The following ROBO2 variants were observed in gnomAD, a reference collection of about 807,000 sequenced individuals.
ROBO2 encodes roundabout guidance receptor 2.
A neutral mutation model predicts 160.8 loss-of-function variants in ROBO2; 53 were observed. The ratio of observed to expected loss-of-function variants is 0.33; its 90% CI spans 0.26 to 0.41. ROBO2 has a LOEUF of 0.41. ROBO2 is among the 10% of genes least tolerant of loss of function. ROBO2 has a pLI of 1.00. For missense variants in ROBO2, 1,577 were observed against 1,722.4 expected, an observed-to-expected ratio of 0.92 and a Z score of 1.49; for synonymous variants, 664 against 611.7, an observed-to-expected ratio of 1.09 and a Z score of -1.26.
chr3:76,354,604 C>T (rs968274534), intron 2 of ROBO2, among the ~76,000 whole-genome samples: 2 of 151,750 alleles, frequency 1.3e-5, no homozygotes, highest in Non-Finnish European at 2.9e-5. Context: ...ATATTAAACC[C>T]TAATTTCCAT....
intron 2 of ROBO2, among the ~76,000 whole-genome samples, chr3:76,452,929 T>C (rs2077550398): frequency 6.6e-6 from 1 of 152,228 alleles, no homozygotes; most frequent in Non-Finnish European, 1.5e-5. Context: ...TGGCCAGTGA[T>C]GGTGAGCATT....
intron 2 of ROBO2, among the ~76,000 whole-genome samples, chr3:76,226,060 T>C (rs1423100557): frequency 6.6e-6 from 1 of 152,166 alleles, no homozygotes; most frequent in Non-Finnish European, 1.5e-5. Context: ...AAATAGCTTA[T>C]CCTGAGCATG....
intron 2 of ROBO2, among the ~76,000 whole-genome samples, chr3:76,659,097 C>T (rs954269328): frequency 6.6e-6 from 1 of 151,986 alleles, no homozygotes; most frequent in Non-Finnish European, 1.5e-5. Flanking sequence ...CCCTTAGAAA[C>T]ATTTGAGGGA....
intron 2 of ROBO2, among the ~76,000 whole-genome samples, chr3:76,100,433 G>C (rs1008011099): frequency 6.6e-6 from 1 of 152,098 alleles, no homozygotes. Flanking sequence ...AAATATTCTT[G>C]CAATATTGTA....
intron 2 of ROBO2, among the ~76,000 whole-genome samples, chr3:76,594,999 TG>T (rs760121021): frequency 6.6e-6 from 1 of 151,992 alleles, no homozygotes; most frequent in Non-Finnish European, 1.5e-5. Flanking sequence ...AATTAAGTCA[TG>T]GGGGTGGAGC....
chr3:76,008,595 T>C (rs2066099078), intron 2 of ROBO2, among the ~76,000 whole-genome samples: 1 of 152,212 alleles, frequency 6.6e-6, no homozygotes, highest in Non-Finnish European at 1.5e-5. Context: ...TGCAATAACC[T>C]AAACACAAAA....
intron 2 of ROBO2, among the ~76,000 whole-genome samples, chr3:76,245,722 A>G (rs1380771014): frequency 6.6e-6 from 1 of 152,150 alleles, no homozygotes; most frequent in Admixed American, 6.6e-5. Flanking sequence ...CAATTTATCT[A>G]TAATAAATTT....
chr3:77,629,242 AT>A (rs1365176294), intron 23 of ROBO2: 1 of 152,158 alleles, frequency 6.6e-6, no homozygotes, highest in Non-Finnish European at 1.5e-5. Context: ...AGTTAGGCTG[AT>A]TCTCTGCTAG....
chr3:77,626,587 A>T (rs937146189), intron 23 of ROBO2, among the ~76,000 whole-genome samples: 1 of 152,184 alleles, frequency 6.6e-6, no homozygotes, highest in African/African-American at 2.4e-5. Context: ...AGAGGGCTAC[A>T]ATACTTCTTT....
chr3:77,471,694 AT>A (rs1310570046), intron 2 of ROBO2, among the ~76,000 whole-genome samples: 3 of 152,240 alleles, frequency 2.0e-5, no homozygotes, highest in Admixed American at 2.0e-4. Context: ...CTATGCACAC[AT>A]GTGCATAGAA....
At chr3:77,539,259 CTTTA>C (rs2092341810) in intron 6 of ROBO2, among the ~76,000 whole-genome samples, 1 of 152,110 alleles carries the variant, frequency 6.6e-6, no homozygotes. Context: ...TACACAATGT[CTTTA>C]TTTGTCTGTA....
chr3:76,195,120 A>T (rs1404673790), intron 2 of ROBO2, among the ~76,000 whole-genome samples: 1 of 152,208 alleles, frequency 6.6e-6, no homozygotes, highest in Non-Finnish European at 1.5e-5. Flanking sequence ...AATTAAAAAG[A>T]TATAATGATG....
chr3:76,241,284 A>C (rs1178613864), intron 2 of ROBO2, among the ~76,000 whole-genome samples: 2 of 152,214 alleles, frequency 1.3e-5, no homozygotes, highest in Non-Finnish European at 2.9e-5. Flanking sequence ...AAAACAATGA[A>C]GAAGAAAAGC....
At chr3:76,736,118 C>T (rs2107943433) in intron 2 of ROBO2, among the ~76,000 whole-genome samples, 1 of 151,298 alleles carries the variant, frequency 6.6e-6, no homozygotes, top group South Asian at 2.1e-4. Context: ...CCCGTCTCTA[C>T]TAAAAATACA....
At chr3:76,380,584 G>A (rs532382891) in intron 2 of ROBO2, among the ~76,000 whole-genome samples, 9 of 151,932 alleles carry the variant, frequency 5.9e-5, no homozygotes, top group Middle Eastern at 3.4e-3. Context: ...TTTTCTCTAG[G>A]TTTCTTTATT....
At chr3:77,577,511 C>T in exon 15 of ROBO2, 1 of 1,613,332 alleles carries the variant, frequency 6.2e-7, no homozygotes, top group Non-Finnish European at 8.5e-7. Context: ...CCACCACAGT[C>T]TGTCACTGTA....
intron 2 of ROBO2, among the ~76,000 whole-genome samples, chr3:76,962,410 AG>A (rs1449875870): frequency 1.3e-5 from 2 of 151,922 alleles, no homozygotes; most frequent in Non-Finnish European, 2.9e-5. Flanking sequence ...AGGCTGAGGC[AG>A]GCAGATCACC....
intron 2 of ROBO2, among the ~76,000 whole-genome samples, chr3:77,375,063 T>C (rs369373674): frequency 6.6e-6 from 1 of 152,080 alleles, no homozygotes; most frequent in South Asian, 2.1e-4. Flanking sequence ...TTTTGAAAAA[T>C]GAGCCAGGTA....
At chr3:77,169,215 AG>A (rs2079394113) in intron 2 of ROBO2, among the ~76,000 whole-genome samples, 1 of 152,234 alleles carries the variant, frequency 6.6e-6, no homozygotes, top group African/African-American at 2.4e-5. Context: ...TTACAGATAA[AG>A]TGATTATTTA....
Sources: allele counts gnomAD v4.1 joint callset (sites outside exome capture counted in the v4.1 genomes callset), GRCh38; gene constraint gnomAD v4.1.1; transcripts MANE v1.5; gene names NCBI Gene and HGNC (gene_info 2026-07-23, HGNC 2026-07-21).